The following GALNT1 variants were observed in gnomAD, a reference collection of about 807,000 sequenced individuals.
GALNT1 encodes polypeptide N-acetylgalactosaminyltransferase 1.
Under a neutral mutation model 65.7 loss-of-function variants are expected in GALNT1, and 17 were observed. The ratio of observed to expected loss-of-function variants is 0.26; its 90% CI spans 0.18 to 0.39. The LOEUF (loss-of-function observed/expected upper bound fraction) is 0.39. GALNT1 is among the 10% of genes least tolerant of loss of function. The pLI is 1.00. For synonymous variants in GALNT1, 210 were observed against 219.7 expected (o/e 0.96, Z 0.39); for missense variants, 460 against 672.8 (o/e 0.68, Z 3.50).
intron 11 of GALNT1, among the ~76,000 whole-genome samples, chr18:35,705,890 T>C (rs979503544): frequency 2.6e-5 from 4 of 152,154 alleles, no homozygotes; most frequent in Admixed American, 6.5e-5. Context: ...CTTTATCGCA[T>C]CCCAACTCCA....
At chr18:35,668,793 G>T (rs779967500) in intron 3 of GALNT1, among the ~76,000 whole-genome samples, 2 of 152,022 alleles carry the variant, frequency 1.3e-5, no homozygotes, top group African/African-American at 4.8e-5. Context: ...CCACAATGAC[G>T]TAAAGATAAG....
At chr18:35,644,443 T>C (rs1409716201) in intron 1 of GALNT1, among the ~76,000 whole-genome samples, 6 of 152,222 alleles carry the variant, frequency 3.9e-5, no homozygotes, top group African/African-American at 1.4e-4. Flanking sequence ...CCTACGAGAC[T>C]GGAGCCGTAC....
At chr18:35,709,420 C>G (rs560650912) in intron 11 of GALNT1, among the ~76,000 whole-genome samples, 5 of 146,876 alleles carry the variant, frequency 3.4e-5, no homozygotes, top group African/African-American at 1.3e-4. Flanking sequence ...CTTTATCGAC[C>G]TACATATCTA....
intron 9 of GALNT1, among the ~76,000 whole-genome samples, chr18:35,698,921 G>T (rs1033252178): frequency 2.0e-5 from 3 of 152,132 alleles, no homozygotes; most frequent in African/African-American, 7.2e-5. Flanking sequence ...GGCAGAGGTT[G>T]CAGTGAGCCG....
intron 3 of GALNT1, among the ~76,000 whole-genome samples, chr18:35,670,729 TTAAGA>T (rs895470988): frequency 6.6e-6 from 1 of 152,336 alleles, no homozygotes; most frequent in South Asian, 2.1e-4. Flanking sequence ...ACTGTAATAA[TTAAGA>T]TAATGTGGTA....
chr18:35,645,218 GTTTTTTTTTT>G (rs1166987925), intron 1 of GALNT1, among the ~76,000 whole-genome samples: 4 of 54,326 alleles, frequency 7.4e-5, no homozygotes, highest in East Asian at 5.4e-4. Flanking sequence ...TATTTTGAAT[GTTTTTTTTTT>G]TTTTTTTTTT....
chr18:35,688,903 C>T (rs1048958179), intron 6 of GALNT1, among the ~76,000 whole-genome samples: 20 of 152,096 alleles, frequency 1.3e-4, no homozygotes, highest in Admixed American at 1.3e-3. Context: ...ATAGAAAGTA[C>T]TCTTAGGACT....
chr18:35,608,811 G>T (rs1453602724), intron 1 of GALNT1, among the ~76,000 whole-genome samples: 8 of 152,172 alleles, frequency 5.3e-5, no homozygotes, highest in African/African-American at 1.9e-4. Context: ...AGAAAAGAAG[G>T]ACTAGTTTTC....
intron 9 of GALNT1, among the ~76,000 whole-genome samples, chr18:35,698,330 G>T (rs1015989425): frequency 1.1e-4 from 17 of 152,044 alleles, no homozygotes; most frequent in Admixed American, 9.8e-4. Flanking sequence ...TTAGCTGAGT[G>T]TGGTGGCCCG....
intron 3 of GALNT1, among the ~76,000 whole-genome samples, chr18:35,670,786 C>T (rs551521061): frequency 1.3e-5 from 2 of 152,258 alleles, no homozygotes; most frequent in South Asian, 2.1e-4. Context: ...AACACAATAG[C>T]GAGTTCATGA....
chr18:35,647,839 C>T (rs1005302951), intron 1 of GALNT1, among the ~76,000 whole-genome samples: 34 of 151,884 alleles, frequency 2.2e-4, no homozygotes, highest in African/African-American at 4.8e-4. Context: ...ATCATTTGGC[C>T]GTAGAAAATA....
intron 3 of GALNT1, among the ~76,000 whole-genome samples, chr18:35,664,676 T>A (rs1056572008): frequency 1.3e-5 from 2 of 152,230 alleles, no homozygotes; most frequent in African/African-American, 4.8e-5. Flanking sequence ...ATTAGTTAGA[T>A]GTCTAGTTGC....
chr18:35,659,938 T>A (rs1196177849), intron 2 of GALNT1: 3 of 152,212 alleles, frequency 2.0e-5, no homozygotes, highest in Admixed American at 6.5e-5. Flanking sequence ...AAGGTATAGA[T>A]GATATTTTGA....
In GALNT1 at chr18:35,603,554, C is replaced by T. The variant is rs111561127; in HGVS notation, c.-104+21692C>T. 9.7e-4 allele frequency among the ~76,000 whole-genome samples: 148 copies of T among 152,272 alleles called. 2 individuals carry two copies. Among genetic ancestry groups the T allele is most frequent in the South Asian group, 2.9e-3 (14 of 4,832 alleles). ...TAGCATCATGTATTTGTGACACACA[C>T]ACGTTAATTTATTAATTTGTTTTGA... On this transcript the variant is annotated intron_variant, in intron 1 of 11. Transcript: ENST00000269195.
At chr18:35,600,052 T>A (rs1009632114) in intron 1 of GALNT1, among the ~76,000 whole-genome samples, 1 of 152,188 alleles carries the variant, frequency 6.6e-6, no homozygotes, top group Non-Finnish European at 1.5e-5. Context: ...TCTATTTCTG[T>A]GAAGAATGTC....
chr18:35,626,158 A>G (rs1361468013), intron 1 of GALNT1, among the ~76,000 whole-genome samples: 1 of 151,588 alleles, frequency 6.6e-6, no homozygotes, highest in Non-Finnish European at 1.5e-5. Flanking sequence ...GCCCGTCACA[A>G]CTCTCGGCAT....
At chr18:35,620,833 C>T (rs1195711371) in intron 1 of GALNT1, among the ~76,000 whole-genome samples, 3 of 149,418 alleles carry the variant, frequency 2.0e-5, no homozygotes, top group Non-Finnish European at 4.4e-5. Flanking sequence ...TCTCTTTATA[C>T]TCATGTGTAA....
intron 1 of GALNT1, among the ~76,000 whole-genome samples, chr18:35,636,182 T>G (rs1223366297): frequency 6.6e-6 from 1 of 152,214 alleles, no homozygotes; most frequent in Non-Finnish European, 1.5e-5. Context: ...TCCCATATTT[T>G]TCCTTATTGC....
At chr18:35,625,491 A>G (rs2046905822) in intron 1 of GALNT1, among the ~76,000 whole-genome samples, 1 of 152,244 alleles carries the variant, frequency 6.6e-6, no homozygotes, top group Non-Finnish European at 1.5e-5. Flanking sequence ...TTGTGTTGCT[A>G]GGTAGGACAT....
Sources: gnomAD v4.1 joint callset for allele counts (sites outside exome capture counted in the v4.1 genomes callset) on GRCh38, gnomAD v4.1.1 for gene constraint, MANE v1.5 for transcripts, NCBI Gene and HGNC (gene_info 2026-07-23, HGNC 2026-07-21) for gene names.